CERS6: variants seen among roughly 807,000 people sequenced by gnomAD.
CERS6 encodes LAG1 homolog, ceramide synthase 6.
CERS6 carries 26 observed loss-of-function variants against 56.8 expected under a neutral mutation model. That is an observed-to-expected ratio of 0.46 (90% CI 0.34 to 0.63). CERS6 has a LOEUF of 0.63. Among genes scored for constraint, CERS6 ranks in the 30% least tolerant of loss-of-function variants. The pLI, the probability that CERS6 is intolerant of heterozygous loss-of-function variation, is 0.01. For synonymous variants in CERS6, 164 were observed against 173.3 expected, an observed-to-expected ratio of 0.95 and a Z score of 0.42; for missense variants, 415 against 467.5, an observed-to-expected ratio of 0.89 and a Z score of 1.04.
At chr2:168,649,275 G>A (rs931495669) in intron 4 of CERS6, among the ~76,000 whole-genome samples, 1 of 144,224 alleles carries the variant, frequency 6.9e-6, no homozygotes, top group Non-Finnish European at 1.5e-5. Flanking sequence ...TCTCAGAGAG[G>A]TTATGTAACC....
intron 4 of CERS6, among the ~76,000 whole-genome samples, chr2:168,650,809 G>A (rs1685324649): frequency 6.6e-6 from 1 of 151,902 alleles, no homozygotes; most frequent in African/African-American, 2.4e-5. Flanking sequence ...TATGCATTTT[G>A]TTTTTCCTAC....
At position 168,613,164 on chromosome 2, in the gene CERS6, G is replaced by C. The variant is rs557488196; in HGVS notation, c.408-17821G>C. Among the ~76,000 whole-genome samples, 5 of 152,360 alleles carry C rather than the reference G, an allele frequency of 3.3e-5. No individual in the cohort carries two copies. The South Asian group carries it at 1.0e-3, about 32-fold the overall frequency. Reference sequence around the variant, plus strand: ...AGTGAATAATAGTGTCCTTGACAGAGATGGAAGGAAGAAACAGTGGATTCC... The same window carrying C: ...AGTGAATAATAGTGTCCTTGACAGACATGGAAGGAAGAAACAGTGGATTCC... On this transcript the variant is annotated intron_variant, in intron 3 of 9. Coordinates refer to ENST00000305747, the MANE Select transcript of CERS6 (RefSeq NM_203463.3).
chr2:168,622,096 T>C (rs1158131558), intron 3 of CERS6, among the ~76,000 whole-genome samples: 1 of 152,138 alleles, frequency 6.6e-6, no homozygotes, highest in Non-Finnish European at 1.5e-5. Context: ...CACCCAGTAA[T>C]ATTTGATGCT....
At chr2:168,568,883 A>C (rs543778312) in intron 3 of CERS6, among the ~76,000 whole-genome samples, 12 of 152,302 alleles carry the variant, frequency 7.9e-5, no homozygotes, top group Non-Finnish European at 1.5e-4. Flanking sequence ...GGGACACAAC[A>C]CTCAGAAATT....
intron 4 of CERS6, among the ~76,000 whole-genome samples, chr2:168,656,955 C>G (rs185403001): frequency 0.03 from 4,596 of 152,270 alleles, 244 homozygotes; most frequent in African/African-American, 0.1. Context: ...AAGGCCTCAC[C>G]AGAGCAGCTA....
intron 3 of CERS6, among the ~76,000 whole-genome samples, chr2:168,604,519 G>A (rs1393814327): frequency 6.6e-6 from 1 of 152,136 alleles, no homozygotes; most frequent in Non-Finnish European, 1.5e-5. Context: ...TATGTCCCCA[G>A]CCAAATCTCA....
At chr2:168,483,014 G>C (rs1367335687) in intron 1 of CERS6, among the ~76,000 whole-genome samples, 1 of 152,192 alleles carries the variant, frequency 6.6e-6, no homozygotes, top group Non-Finnish European at 1.5e-5. Flanking sequence ...CAGGAGTAAA[G>C]AGAAACAGTA....
At chr2:168,654,504 C>G (rs1685421934) in intron 4 of CERS6, among the ~76,000 whole-genome samples, 1 of 152,164 alleles carries the variant, frequency 6.6e-6, no homozygotes, top group Non-Finnish European at 1.5e-5. Context: ...GATCACACCA[C>G]TGCACTCCAG....
chr2:168,572,530 GTA>G (rs1453941439), intron 3 of CERS6, among the ~76,000 whole-genome samples: 1 of 150,640 alleles, frequency 6.6e-6, no homozygotes, highest in Non-Finnish European at 1.5e-5. Context: ...AATATTTTAC[GTA>G]TATATATAAT....
At chr2:168,685,367 G>A (rs1686322091) in intron 4 of CERS6, among the ~76,000 whole-genome samples, 1 of 152,174 alleles carries the variant, frequency 6.6e-6, no homozygotes, top group Non-Finnish European at 1.5e-5. Flanking sequence ...GCACATGTAT[G>A]TATGTATGTG....
chr2:168,480,835 A>C (rs982858670), intron 1 of CERS6, among the ~76,000 whole-genome samples: 1 of 152,172 alleles, frequency 6.6e-6, no homozygotes, highest in Non-Finnish European at 1.5e-5. Context: ...TCTAAGTCAG[A>C]ATAAGAGGGA....
intron 1 of CERS6, among the ~76,000 whole-genome samples, chr2:168,475,223 T>TAA (rs200074643): frequency 2.2e-4 from 34 of 151,770 alleles, no homozygotes; most frequent in Non-Finnish European, 4.7e-4. Flanking sequence ...AGAGAAAAGC[T>TAA]AAAAAAAAGT....
chr2:168,493,912 C>T (rs1249451623), intron 1 of CERS6, among the ~76,000 whole-genome samples: 5 of 151,518 alleles, frequency 3.3e-5, no homozygotes, highest in Admixed American at 6.6e-5. Context: ...CAGGTGGAAG[C>T]GATCTAGGAG....
chr2:168,741,205 A>G (rs7558965), intron 8 of CERS6, among the ~76,000 whole-genome samples: 139,060 of 152,160 alleles, frequency 0.91, 63,659 homozygotes, highest in East Asian at 0.99. Flanking sequence ...AAAATTGGGG[A>G]ATAAAAGCAA....
intron 3 of CERS6, among the ~76,000 whole-genome samples, chr2:168,623,075 G>A (rs1159234551): frequency 6.6e-6 from 1 of 152,160 alleles, no homozygotes; most frequent in African/African-American, 2.4e-5. Context: ...AATAAAGTCA[G>A]TGTCTCAGTA....
chr2:168,477,214 A>AGAGAGT (rs1558964330), intron 1 of CERS6, among the ~76,000 whole-genome samples: 53 of 136,782 alleles, frequency 3.9e-4, no homozygotes, highest in African/African-American at 1.5e-3. Context: ...AGAGAGAGAG[A>AGAGAGT]GAGAGTCTCA....
At position 168,561,328 on chromosome 2, in the gene CERS6, T is replaced by C; in HGVS notation, c.407+6T>C. On this transcript the variant is annotated splice_donor_region_variant and intron_variant, in intron 3 of 9. Coordinates refer to ENST00000305747, the MANE Select transcript of CERS6 (RefSeq NM_203463.3). ...ACGAGGTTCTGTGAGAGCATGTAAGTTGCTGTTTTTCTTTTTGAAAGAAAA... is the reference window on the plus strand; with the variant it reads ...ACGAGGTTCTGTGAGAGCATGTAAGCTGCTGTTTTTCTTTTTGAAAGAAAA... The C allele has an allele frequency of 1.2e-6, 2 of 1,614,006 alleles. No homozygotes were observed. Among genetic ancestry groups the C allele is most frequent in the East Asian group, 4.5e-5 (2 of 44,868 alleles).
chr2:168,619,129 A>G lies in CERS6; in HGVS notation c.408-11856A>G, dbSNP rs960666762. Among the ~76,000 whole-genome samples, 3 of 152,228 alleles carry G rather than the reference A, an allele frequency of 2.0e-5. No homozygotes were observed. The South Asian group carries it at 6.2e-4, about 32-fold the overall frequency. On this transcript the variant is annotated intron_variant, in intron 3 of 9. Coordinates refer to ENST00000305747, the MANE Select transcript of CERS6 (RefSeq NM_203463.3). ...AAGTGGGGAAAGGACACCCTATTCA[A>G]CAAATAGTGCTGGGATAATTGGGAA...
intron 9 of CERS6, chr2:168,766,362 C>A: frequency 6.3e-7 from 1 of 1,596,944 alleles, no homozygotes; most frequent in Non-Finnish European, 8.5e-7. Flanking sequence ...TTCTCCTCCT[C>A]TCTCTCTATC....
Sources: allele counts gnomAD v4.1 joint callset (sites outside exome capture counted in the v4.1 genomes callset), GRCh38; gene constraint gnomAD v4.1.1; transcripts MANE v1.5; gene names NCBI Gene and HGNC (gene_info 2026-07-23, HGNC 2026-07-21).